HECW2: variants seen among roughly 807,000 people sequenced by gnomAD.
HECW2 encodes the protein HECT, C2 and WW domain containing E3 ubiquitin protein ligase 2, also known as E3 ubiquitin-protein ligase HECW2.
A neutral mutation model predicts 175.2 loss-of-function variants in HECW2; 61 were observed. The observed-to-expected ratio is 0.35, with a 90% confidence interval of 0.28 to 0.43. The LOEUF (loss-of-function observed/expected upper bound fraction) is 0.43. Ranked by LOEUF, HECW2 falls within the 20% of genes least tolerant of loss-of-function variation. The probability of loss-of-function intolerance (pLI) is 1.00; values close to 1 mark genes in which losing one functional copy is unlikely to be tolerated. For synonymous variants in HECW2, 671 were observed against 731.0 expected (o/e 0.92, Z 1.32); for missense variants, 1,524 against 2,000.5 (o/e 0.76, Z 4.54).
intron 17 of HECW2, among the ~76,000 whole-genome samples, chr2:196,261,970 T>C (rs1689312190): frequency 6.6e-6 from 1 of 151,962 alleles, no homozygotes; most frequent in Non-Finnish European, 1.5e-5. Flanking sequence ...AGACAACTGA[T>C]CATGATTAGA....
At chr2:196,242,006 A>G (rs1575279049) in intron 20 of HECW2, 78 bp downstream of exon 20, 2 of 1,390,126 alleles carry the variant, frequency 1.4e-6, no homozygotes, top group East Asian at 2.3e-5. Flanking sequence ...CCAAATCACA[A>G]TCAATTTCCT....
At chr2:196,347,096 A>G (rs1692984583) in intron 2 of HECW2, among the ~76,000 whole-genome samples, 2 of 150,410 alleles carry the variant, frequency 1.3e-5, no homozygotes, top group South Asian at 4.2e-4. Context: ...TCTGTCACCC[A>G]GGCTGGAGTA....
At chr2:196,473,495 C>T (rs898741272) in intron 1 of HECW2, among the ~76,000 whole-genome samples, 26 of 152,126 alleles carry the variant, frequency 1.7e-4, no homozygotes, top group African/African-American at 5.1e-4. Context: ...CTTTCTAAAC[C>T]ACCTGTCCAA....
At chr2:196,310,839 C>T in intron 10 of HECW2, among the ~76,000 whole-genome samples, 1 of 150,520 alleles carries the variant, frequency 6.6e-6, no homozygotes, top group East Asian at 2.0e-4. Flanking sequence ...TGTGGCTTGA[C>T]ACACTTTCAC....
intron 17 of HECW2, among the ~76,000 whole-genome samples, chr2:196,262,715 G>A (rs1474902868): frequency 6.6e-6 from 1 of 152,000 alleles, no homozygotes; most frequent in African/African-American, 2.4e-5. Flanking sequence ...ACAGGAATGC[G>A]CCACCATGTC....
chr2:196,258,804 C>T (rs1689169358), intron 17 of HECW2, among the ~76,000 whole-genome samples: 1 of 152,106 alleles, frequency 6.6e-6, no homozygotes, highest in Admixed American at 6.5e-5. Context: ...TTGGAATATA[C>T]AGGATAATGC....
intron 1 of HECW2, among the ~76,000 whole-genome samples, chr2:196,537,475 A>T (rs1182847929): frequency 1.3e-5 from 2 of 152,176 alleles, no homozygotes; most frequent in Non-Finnish European, 2.9e-5. Flanking sequence ...CAGACCAGAC[A>T]GGGCACAGAT....
chr2:196,298,495 C>A (rs540765984), intron 13 of HECW2, among the ~76,000 whole-genome samples: 2 of 151,370 alleles, frequency 1.3e-5, no homozygotes, highest in Admixed American at 1.3e-4. Context: ...TTTTTTTTTA[C>A]ATTTATTATT....
rs373553122 is a variant in HECW2 at position 196,411,450 on chromosome 2, TA to T, written c.292+21681del. ...AAAAACTCGCAAGGCATTTAAGGTT[TA>T]AAAAAAGCAATCCTGTTTCAATACA... is the stretch of plus-strand genomic sequence containing the variant. On this transcript the variant is annotated intron_variant, in intron 2 of 28. Coordinates refer to ENST00000644978, the MANE Select transcript of HECW2 (RefSeq NM_001348768.2). 4.2e-3 allele frequency among the ~76,000 whole-genome samples: 638 copies of T among 152,292 alleles called. 2 individuals are homozygous for T. Among genetic ancestry groups the T allele is most frequent in the Non-Finnish European group, 7.2e-3 (489 of 68,028 alleles).
Position 196,416,946 on chromosome 2 carries a change from A to C in HECW2, c.292+16186T>G, listed in dbSNP as rs373474071. 9.5e-4 allele frequency among the ~76,000 whole-genome samples: 145 copies of C among 152,310 alleles called. 2 individuals carry two copies. The Middle Eastern group carries it at 0.024, about 25-fold the overall frequency. ...AGTTTTCAGGGGTAATTTTGGCTAT[A>C]CTAAAAAATCACCTTCAGGAAGTGG... On this transcript the variant is annotated intron_variant, in intron 2 of 28. Coordinates refer to ENST00000644978, the MANE Select transcript of HECW2 (RefSeq NM_001348768.2).
intron 1 of HECW2, among the ~76,000 whole-genome samples, chr2:196,561,619 T>A (rs1027052734): frequency 5.3e-5 from 8 of 152,052 alleles, no homozygotes; most frequent in African/African-American, 1.4e-4. Context: ...AGCTTTAAAA[T>A]TTTTCTCTTT....
chr2:196,202,225 A>G (rs1441052195), intron 28 of HECW2, among the ~76,000 whole-genome samples: 1 of 152,192 alleles, frequency 6.6e-6, no homozygotes, highest in African/African-American at 2.4e-5. Context: ...TTGACTTAAA[A>G]AAAATACTCC....
At chr2:196,296,992 A>T (rs1690840455) in intron 13 of HECW2, among the ~76,000 whole-genome samples, 1 of 152,220 alleles carries the variant, frequency 6.6e-6, no homozygotes, top group South Asian at 2.1e-4. Context: ...ACAGAAAAAG[A>T]TGCAGTAAAT....
At chr2:196,429,242 G>A (rs1263663551) in intron 2 of HECW2, among the ~76,000 whole-genome samples, 1 of 151,260 alleles carries the variant, frequency 6.6e-6, no homozygotes. Flanking sequence ...CCTGAGCCTG[G>A]GGGGGGCCTA....
chr2:196,341,310 T>C (rs917411915), intron 3 of HECW2, among the ~76,000 whole-genome samples: 13 of 152,084 alleles, frequency 8.5e-5, no homozygotes, highest in African/African-American at 3.1e-4. Flanking sequence ...AAGGAAGTGA[T>C]TTTACCTTTT....
At chr2:196,377,925 A>G (rs532001411) in intron 2 of HECW2, among the ~76,000 whole-genome samples, 1 of 152,250 alleles carries the variant, frequency 6.6e-6, no homozygotes, top group Non-Finnish European at 1.5e-5. Flanking sequence ...CAAGAAGTAT[A>G]TATTTTCTTG....
rs1686774380 is a variant in HECW2, at chr2:196,199,038, C to T, written c.*2239G>A. On this transcript the variant is annotated 3_prime_UTR_variant, in exon 29 of 29. Transcript: ENST00000644978. ...ACATTTTATTTCAAATATCTTTTAC[C>T]TAATAATATGAAATACCATAACTAA... 1 of 152,050 alleles carries T rather than the reference C, an allele frequency of 6.6e-6. No homozygotes were observed. Among genetic ancestry groups the T allele is most frequent in the Admixed American group, 6.6e-5 (1 of 15,242 alleles). The allele number at this position is 152,050 out of a possible 1,614,324, so 9.4% of individuals were successfully genotyped here.
At chr2:196,584,948 AAC>A (rs1243867637) in intron 1 of HECW2, among the ~76,000 whole-genome samples, 1 of 152,226 alleles carries the variant, frequency 6.6e-6, no homozygotes, top group Non-Finnish European at 1.5e-5. Context: ...AAGTTAATAT[AAC>A]AGTAGCCCAT....
chr2:196,534,796 A>C (rs1307498747), intron 1 of HECW2, among the ~76,000 whole-genome samples: 3 of 152,178 alleles, frequency 2.0e-5, no homozygotes, highest in African/African-American at 7.2e-5. Flanking sequence ...TGCCTACTCC[A>C]GTGGCTTCAC....
Sources: gnomAD v4.1 joint callset for allele counts (sites outside exome capture counted in the v4.1 genomes callset) on GRCh38, gnomAD v4.1.1 for gene constraint, MANE v1.5 for transcripts, NCBI Gene and HGNC (gene_info 2026-07-23, HGNC 2026-07-21) for gene names.